ZNF283: variants seen among roughly 807,000 people sequenced by gnomAD.
ZNF283 encodes the protein zinc finger protein 41.
In ZNF283, 10 loss-of-function variants were observed where a neutral mutation model predicts 9.2. The ratio of observed to expected loss-of-function variants is 1.09; its 90% confidence interval spans 0.67 to 1.85. The LOEUF (loss-of-function observed/expected upper bound fraction) is 1.85. Among genes scored for constraint, ZNF283 ranks in the 40% most tolerant of loss-of-function variants. ZNF283 has a pLI of 0.00. For synonymous variants in ZNF283, 234 were observed against 244.1 expected (o/e 0.96, Z 0.38); for missense variants, 631 against 760.1 (o/e 0.83, Z 2.00).
At chr19:43,828,316 C>A (rs370242416) in intron 2 of ZNF283, 35 bp downstream of exon 2, 1 of 152,252 alleles carries the variant, frequency 6.6e-6, no homozygotes, top group African/African-American at 2.4e-5. Flanking sequence ...TAAATACATA[C>A]ACATACAATT....
intron 6 of ZNF283, among the ~76,000 whole-genome samples, chr19:43,840,284 A>G (rs1355653431): frequency 6.6e-6 from 1 of 152,164 alleles, no homozygotes; most frequent in Non-Finnish European, 1.5e-5. Flanking sequence ...TTCTGGGGAA[A>G]GCTGCTGTGG....
At chr19:43,827,625 A>T (rs1212410507) in intron 1 of ZNF283, among the ~76,000 whole-genome samples, 181 bp downstream of exon 1, 1 of 151,992 alleles carries the variant, frequency 6.6e-6, no homozygotes, top group East Asian at 1.9e-4. Context: ...GCCTGTGTGC[A>T]CGCGAGCAGC....
chr19:43,830,493 T>G (rs566373507), intron 2 of ZNF283, among the ~76,000 whole-genome samples: 12 of 152,260 alleles, frequency 7.9e-5, no homozygotes, highest in Non-Finnish European at 1.5e-4. Context: ...TGTGTTTTTT[T>G]AAGTGGGCAA....
chr19:43,848,528 G>C lies in ZNF283; in HGVS notation c.1927G>C (p.Val643Leu), dbSNP rs200500734. 1.9e-6 allele frequency: 3 copies of C among 1,612,912 alleles called. No homozygotes were observed. The South Asian group carries it at 3.3e-5, about 18-fold the overall frequency. ...GKTFTCGSKL[V>L]HERTHSNDKP... ...GACCTTTACTTGTGGCTCAAAACTT[G>C]TTCATGAGAGAACTCATAGTAATGA... is the stretch of plus-strand genomic sequence containing the variant. The change falls in exon 7 of 7, where the codon GTT becomes CTT. Residue 643 changes from valine to leucine, a missense_variant. By Grantham distance (32) the Val-to-Leu change is conservative. Coordinates refer to ENST00000618787, the MANE Select transcript of ZNF283 (RefSeq NM_181845.2).
Position 43,848,494 on chromosome 19 carries a change from A to G in ZNF283, c.1893A>G (p.Glu631=), listed in dbSNP as rs1351324644. The change falls in exon 7 of 7, where the codon GAA becomes GAG. Residue 631 remains glutamate (E), a synonymous_variant. Coordinates refer to ENST00000618787, the MANE Select transcript of ZNF283 (RefSeq NM_181845.2). ...GTGAGAAGCTTTATCAACGTAAGGA[A>G]TTCGGGAAGACCTTTACTTGTGGCT... The part of the protein sequence containing the change: ...HTGEKLYQRK[E]FGKTFTCGSK... 82 of 1,613,374 alleles carry G rather than the reference A, an allele frequency of 5.1e-5. No homozygotes were observed. Among genetic ancestry groups the G allele is most frequent in the Non-Finnish European group, 7.0e-5 (82 of 1,179,512 alleles).
At chr19:43,839,775 A>C (rs1971125624) in intron 6 of ZNF283, among the ~76,000 whole-genome samples, 1 of 151,374 alleles carries the variant, frequency 6.6e-6, no homozygotes, top group Non-Finnish European at 1.5e-5. Flanking sequence ...TTTTTTTTAT[A>C]ATTTCTATCC....
chr19:43,846,892 T>TC (rs754021788), intron 6 of ZNF283, 47 bp from the exon 7 acceptor site: 7 of 1,192,244 alleles, frequency 5.9e-6, no homozygotes, highest in East Asian at 6.0e-5. Flanking sequence ...TTTTTTTTTT[T>TC]CCCTAGTGAA....
intron 6 of ZNF283, among the ~76,000 whole-genome samples, chr19:43,842,781 A>G (rs62118372): frequency 0.4 from 61,541 of 152,102 alleles, 12,881 homozygotes; most frequent in South Asian, 0.55. Flanking sequence ...CTGCTTTAGC[A>G]TGAGCAAAGG....
At chr19:43,834,420 CT>C (rs1198766828) in intron 4 of ZNF283, among the ~76,000 whole-genome samples, 6 of 149,818 alleles carry the variant, frequency 4.0e-5, no homozygotes, top group African/African-American at 7.3e-5. Context: ...GAATTTCATC[CT>C]TTTTTTTTCT....
At position 43,851,648 on chromosome 19, in the gene ZNF283, C is replaced by T. The variant is rs1319176907; in HGVS notation, c.*3007C>T. 6.6e-6 allele frequency: 1 copy of T among 152,078 alleles called. No homozygotes were observed. The highest frequency in any genetic ancestry group is 1.5e-5 in the Non-Finnish European group (1 of 68,030). 9.4% of individuals were successfully genotyped at this position (152,078 alleles called of 1,614,324 possible). ...AGGAGAATGGCGTGAACCCGGGAGG[C>T]AGAGCTTGCAGTGAGCCGAGATTGC... On this transcript the variant is annotated 3_prime_UTR_variant, in exon 7 of 7. Coordinates refer to ENST00000618787, the MANE Select transcript of ZNF283 (RefSeq NM_181845.2).
In ZNF283 at chr19:43,851,532, C is replaced by A. The variant is rs1971608849; in HGVS notation, c.*2891C>A. On this transcript the variant is annotated 3_prime_UTR_variant, in exon 7 of 7. Transcript: ENST00000618787. ...GAGATCAAGACCATCCTGGCTAACA[C>A]GGTGAAACCCCGTCTCTACTAAAAA... is the stretch of plus-strand genomic sequence containing the variant. 1 of 151,818 alleles carries A rather than the reference C, an allele frequency of 6.6e-6. No homozygotes were observed. The highest frequency in any genetic ancestry group is 1.5e-5 in the Non-Finnish European group (1 of 68,002). The allele number at this position is 151,818 out of a possible 1,614,324, so 9.4% of individuals were successfully genotyped here. A position where few individuals can be genotyped will look rare whatever the true frequency, so the allele number is the denominator to read the frequency against.
At chr19:43,834,094 A>G (rs1361481849) in intron 4 of ZNF283, among the ~76,000 whole-genome samples, 1 of 152,212 alleles carries the variant, frequency 6.6e-6, no homozygotes, top group African/African-American at 2.4e-5. Flanking sequence ...TATACTTTAT[A>G]GTTTTTATTC....
chr19:43,850,871 C>G lies in ZNF283; in HGVS notation c.*2230C>G, dbSNP rs1334853054. ...TAGAGTGTGTGTTTATATACTCACA[C>G]AGTTAGAAATCGACCCTTTTAAAAA... On this transcript the variant is annotated 3_prime_UTR_variant, in exon 7 of 7. Coordinates refer to ENST00000618787, the MANE Select transcript of ZNF283 (RefSeq NM_181845.2). 1 of 152,184 alleles carries G rather than the reference C, an allele frequency of 6.6e-6. No homozygotes were observed. Among genetic ancestry groups the G allele is most frequent in the East Asian group, 1.9e-4 (1 of 5,200 alleles). 9.4% of individuals were successfully genotyped at this position (152,184 alleles called of 1,614,324 possible).
chr19:43,835,859 G>T (rs1250920873), intron 5 of ZNF283, among the ~76,000 whole-genome samples: 2 of 152,134 alleles, frequency 1.3e-5, no homozygotes, highest in Admixed American at 1.3e-4. Flanking sequence ...GTCACCAAAG[G>T]ACTCCACCAC....
At chr19:43,837,574 C>G (rs1234275151) in intron 6 of ZNF283, 1 of 292,336 alleles carries the variant, frequency 3.4e-6, no homozygotes, top group African/African-American at 2.2e-5. Flanking sequence ...GCTTTGATAA[C>G]TTGCCCATTT....
chr19:43,833,029 G>GAAAA (rs368640688), intron 3 of ZNF283, among the ~76,000 whole-genome samples: 4 of 76,468 alleles, frequency 5.2e-5, no homozygotes, highest in Admixed American at 3.3e-4. Flanking sequence ...CCCTGTCTCT[G>GAAAA]AAAAAAAAAA....
intron 3 of ZNF283, among the ~76,000 whole-genome samples, chr19:43,832,949 G>A (rs1970779715): frequency 6.7e-6 from 1 of 148,246 alleles, no homozygotes; most frequent in Admixed American, 6.8e-5. Context: ...GATCACTTGA[G>A]CCCAGGAGGT....
In ZNF283 at chr19:43,847,672, T is replaced by G; in HGVS notation, c.1071T>G (p.Ser357Arg). The change falls in exon 7 of 7, where the codon AGT (serine) becomes AGG (arginine). Residue 357 changes from serine (S) to arginine (R), a missense_variant. Transcript: ENST00000618787. ...YKCKECGKAF[S>R]RGYQLTQHQK... ...GTAAAGAATGTGGGAAGGCCTTCAG[T>G]CGTGGCTATCAGCTTACTCAGCATC... 1.9e-6 allele frequency: 3 copies of G among 1,613,752 alleles called. No individual in the cohort carries two copies. Among genetic ancestry groups the G allele is most frequent in the Middle Eastern group, 1.7e-4 (1 of 6,056 alleles).
intron 6 of ZNF283, among the ~76,000 whole-genome samples, chr19:43,839,059 C>T (rs543113522): frequency 6.6e-6 from 1 of 152,150 alleles, no homozygotes; most frequent in Non-Finnish European, 1.5e-5. Flanking sequence ...CTTATGGCTT[C>T]TAATTACTGT....
Sources: gnomAD v4.1 joint callset for allele counts (sites outside exome capture counted in the v4.1 genomes callset) on GRCh38, gnomAD v4.1.1 for gene constraint, MANE v1.5 for transcripts, NCBI Gene and HGNC (gene_info 2026-07-23, HGNC 2026-07-21) for gene names.